REDIC1: variants seen among roughly 807,000 people sequenced by gnomAD.
REDIC1 encodes regulator of DNA class I crossover intermediates 1.
the REDIC1 span, among the ~76,000 whole-genome samples, chr12:39,731,292 T>C: frequency 1.3e-5 from 2 of 152,340 alleles, no homozygotes; most frequent in South Asian, 2.1e-4. Flanking sequence ...TTTGTGGATT[T>C]ATCTACCTTT....
chr12:39,754,659 G>A, the REDIC1 span, among the ~76,000 whole-genome samples: 2 of 152,034 alleles, frequency 1.3e-5, no homozygotes, highest in African/African-American at 4.8e-5. Context: ...CTTCCAGCAC[G>A]ATTGTTCATT....
chr12:39,826,846 C>G, the REDIC1 span, among the ~76,000 whole-genome samples: 1 of 40,354 alleles, frequency 2.5e-5, no homozygotes, highest in Admixed American at 3.5e-4. Flanking sequence ...CTTTTAAAGT[C>G]TCTTTCAATT....
the REDIC1 span, among the ~76,000 whole-genome samples, chr12:39,841,201 T>C: frequency 1.3e-5 from 2 of 152,146 alleles, no homozygotes; most frequent in South Asian, 4.1e-4. Context: ...CTGCCCAGAT[T>C]GAGCATTTGG....
chr12:39,687,317 A>G, the REDIC1 span, among the ~76,000 whole-genome samples: 1,140 of 152,328 alleles, frequency 7.5e-3, 15 homozygotes, highest in African/African-American at 0.025. Context: ...TGGGTAATTT[A>G]TAAAGAAAAT....
chr12:39,699,417 A>C, the REDIC1 span, among the ~76,000 whole-genome samples: 1 of 152,214 alleles, frequency 6.6e-6, no homozygotes, highest in South Asian at 2.1e-4. Flanking sequence ...GCACACCAGG[A>C]GATTATATCC....
the REDIC1 span, among the ~76,000 whole-genome samples, chr12:39,842,602 A>G: frequency 2.6e-5 from 4 of 152,000 alleles, no homozygotes; most frequent in Non-Finnish European, 5.9e-5. Flanking sequence ...TCACTATAGC[A>G]CATATTTTTA....
At chr12:39,630,643 A>C in the REDIC1 span, among the ~76,000 whole-genome samples, 2 of 152,214 alleles carry the variant, frequency 1.3e-5, no homozygotes, top group East Asian at 3.8e-4. Context: ...ATAAAAAATA[A>C]ATAATGTGAA....
At chr12:39,838,314 G>A in the REDIC1 span, among the ~76,000 whole-genome samples, 1 of 140,190 alleles carries the variant, frequency 7.1e-6, no homozygotes, top group Admixed American at 7.4e-5. Context: ...ACACAGGAAG[G>A]GGAATATCAC....
chr12:39,728,866 C>T, the REDIC1 span, among the ~76,000 whole-genome samples: 1 of 136,356 alleles, frequency 7.3e-6, no homozygotes, highest in Non-Finnish European at 1.5e-5. Context: ...AAGGATTCAA[C>T]TTCTTCCTGA....
the REDIC1 span, among the ~76,000 whole-genome samples, chr12:39,713,835 A>T: frequency 6.8e-5 from 10 of 146,004 alleles, no homozygotes; most frequent in Admixed American, 3.4e-4. Flanking sequence ...ACATGTATAT[A>T]CACGTATATA....
At chr12:39,626,352 G>A in the REDIC1 span, 4 of 1,614,132 alleles carry the variant, frequency 2.5e-6, no homozygotes, top group Non-Finnish European at 3.4e-6. Flanking sequence ...TTGGGTCGGG[G>A]GGTCCCGGTA....
the REDIC1 span, among the ~76,000 whole-genome samples, chr12:39,732,716 TTAATA>T: frequency 6.6e-6 from 1 of 152,228 alleles, no homozygotes; most frequent in African/African-American, 2.4e-5. Context: ...TTATTTTTTC[TTAATA>T]TAATTAATTA....
chr12:39,636,684 T>A, the REDIC1 span, among the ~76,000 whole-genome samples: 1 of 152,068 alleles, frequency 6.6e-6, no homozygotes, highest in Admixed American at 6.6e-5. Context: ...TCTGGAGCAG[T>A]TTCTTTTGCA....
the REDIC1 span, among the ~76,000 whole-genome samples, chr12:39,795,717 T>G: frequency 2.0e-5 from 3 of 152,162 alleles, no homozygotes; most frequent in African/African-American, 7.2e-5. Context: ...ACTAGAAGTT[T>G]TATGGGCACG....
chr12:39,703,863 G>A, the REDIC1 span, among the ~76,000 whole-genome samples: 6 of 152,242 alleles, frequency 3.9e-5, no homozygotes, highest in South Asian at 1.2e-3. Context: ...TGGGAAAACT[G>A]GCTAGCCATA....
the REDIC1 span, among the ~76,000 whole-genome samples, chr12:39,861,915 C>A: frequency 6.6e-6 from 1 of 152,086 alleles, no homozygotes; most frequent in Non-Finnish European, 1.5e-5. Flanking sequence ...GCAGGACGTG[C>A]AGGTCTGTTA....
At chr12:39,677,290 G>A in the REDIC1 span, among the ~76,000 whole-genome samples, 1 of 152,118 alleles carries the variant, frequency 6.6e-6, no homozygotes, top group African/African-American at 2.4e-5. Flanking sequence ...AGCAGGCGTA[G>A]CTATTCTTAT....
the REDIC1 span, among the ~76,000 whole-genome samples, chr12:39,668,834 A>T: frequency 5.9e-5 from 9 of 151,688 alleles, no homozygotes; most frequent in Admixed American, 4.6e-4. Context: ...CGTTTTTTCC[A>T]GTTGATCGAA....
chr12:39,662,888 T>C, the REDIC1 span, among the ~76,000 whole-genome samples: 2 of 152,128 alleles, frequency 1.3e-5, no homozygotes. Context: ...TAGGATAATA[T>C]GGTTTTTGTC....
Sources: gnomAD v4.1 joint callset for allele counts (sites outside exome capture counted in the v4.1 genomes callset) on GRCh38, gnomAD v4.1.1 for gene constraint, MANE v1.5 for transcripts, NCBI Gene and HGNC (gene_info 2026-07-23, HGNC 2026-07-21) for gene names.